ZNF865: variants seen among roughly 807,000 people sequenced by gnomAD.
ZNF865 encodes zinc finger protein 865.
For synonymous variants in ZNF865, 763 were observed against 750.8 expected (o/e 1.02, Z -0.27); for missense variants, 1,311 against 1,593.4 (o/e 0.82, Z 3.02).
intron 1 of ZNF865, 50 bp from the exon 2 acceptor site, chr19:55,613,543 G>T: frequency 7.0e-7 from 1 of 1,419,854 alleles, no homozygotes; most frequent in South Asian, 1.4e-5. Context: ...TCACCTGCGG[G>T]GAGACCCAGC....
rs1290027695 is a variant in ZNF865 at position 55,611,682 on chromosome 19, T to C, written c.-26-1911T>C. Among the ~76,000 whole-genome samples, 1 of 151,978 alleles carries C rather than the reference T, an allele frequency of 6.6e-6. No individual in the cohort carries two copies. Among genetic ancestry groups the C allele is most frequent in the Non-Finnish European group, 1.5e-5 (1 of 67,988 alleles). On this transcript the variant is annotated intron_variant, in intron 1 of 1. Transcript: ENST00000568956. This position sits in a 1 kb window ranked among gnomAD's most constrained non-coding sequence, Gnocchi z 4.5. ...AGAGAGCAGCCCGATGGATAGAGGA[T>C]AAAGGGTCCAGGCCTTGGTAGGAAC...
intron 1 of ZNF865, among the ~76,000 whole-genome samples, chr19:55,610,363 C>T (rs377354996): frequency 8.5e-5 from 13 of 152,180 alleles, no homozygotes; most frequent in South Asian, 2.1e-4. Flanking sequence ...CGAGTTCAAG[C>T]GATTCTCCTG....
chr19:55,608,804 T>G (rs999822305), intron 1 of ZNF865, among the ~76,000 whole-genome samples: 4 of 152,354 alleles, frequency 2.6e-5, no homozygotes, highest in Admixed American at 2.6e-4. Context: ...TGTTGGTGAC[T>G]TGTTCTGGTC....
rs1981132154 is a variant in ZNF865 at position 55,611,474 on chromosome 19, C to T, written c.-26-2119C>T. Among the ~76,000 whole-genome samples the T allele has an allele frequency of 6.6e-6, 1 of 152,198 alleles. No individual in the cohort carries two copies. The highest frequency in any genetic ancestry group is 2.4e-5 in the African/African-American group (1 of 41,440). On this transcript the variant is annotated intron_variant, in intron 1 of 1. Coordinates refer to ENST00000568956, the MANE Select transcript of ZNF865 (RefSeq NM_001195605.2). This position sits in a 1 kb window ranked among gnomAD's most constrained non-coding sequence, Gnocchi z 4.5. ...GGTTCCACCTACAGCCTTCCAATTA[C>T]CACCCCAGCCAAGCCTGTCCTCTTT...
At position 55,605,708 on chromosome 19, in the gene ZNF865, C is replaced by T. The variant is rs924738663; in HGVS notation, c.-51C>T. ...GGCGCCTCCTCCGCCTCCTCGGCCT[C>T]CTCCCGGCGGAGACCCCGGCGCCGG... is the stretch of plus-strand genomic sequence containing the variant. On this transcript the variant is annotated 5_prime_UTR_variant, in exon 1 of 2. Transcript: ENST00000568956. 5 of 152,018 alleles carry T rather than the reference C, an allele frequency of 3.3e-5. No homozygotes were observed. The highest frequency in any genetic ancestry group is 7.4e-5 in the Non-Finnish European group (5 of 67,970). The allele number at this position is 152,018 out of a possible 1,614,324, so 9.4% of individuals were successfully genotyped here.
chr19:55,607,779 C>T (rs1429011996), intron 1 of ZNF865, among the ~76,000 whole-genome samples: 2 of 152,154 alleles, frequency 1.3e-5, no homozygotes, highest in Admixed American at 6.6e-5. Flanking sequence ...CTCTTAACAG[C>T]GCCCTAACCC....
intron 1 of ZNF865, among the ~76,000 whole-genome samples, chr19:55,610,940 C>G (rs1981111161): frequency 1.3e-5 from 2 of 152,154 alleles, no homozygotes. Context: ...CCCTCTCCCA[C>G]CAGGCCCCTT....
chr19:55,613,496 T>A (rs1981210853), intron 1 of ZNF865, 97 bp from the exon 2 acceptor site: 12 of 1,149,054 alleles, frequency 1.0e-5, no homozygotes, highest in Non-Finnish European at 1.4e-5. Context: ...TAGGGGGTGA[T>A]CCGCACAAGG....
rs1209081044 is a variant in ZNF865 at position 55,611,250 on chromosome 19, TC to T, written c.-26-2342del. 1.7e-4 allele frequency among the ~76,000 whole-genome samples: 26 copies of T among 152,234 alleles called. No homozygotes were observed. The highest frequency in any genetic ancestry group is 5.8e-4 in the African/African-American group (24 of 41,522). On this transcript the variant is annotated intron_variant, in intron 1 of 1. Transcript: ENST00000568956. This position sits in a 1 kb window ranked among gnomAD's most constrained non-coding sequence, Gnocchi z 4.5. ...AACGTGCTTAGAACCGTGGCGGGCC[TC>T]TAGGAGATGTCCAGTCAGTGACAGC...
At position 55,614,863 on chromosome 19, in the gene ZNF865, C is replaced by T; in HGVS notation, c.1245C>T (p.Ala415=). 1 of 1,519,304 alleles carries T rather than the reference C, an allele frequency of 6.6e-7. No homozygotes were observed. Among genetic ancestry groups the T allele is most frequent in the Non-Finnish European group, 8.8e-7 (1 of 1,137,450 alleles). The allele number at this position is 1,519,304 out of a possible 1,614,324, so 94.1% of individuals were successfully genotyped here. A position where few individuals can be genotyped will look rare whatever the true frequency, so the allele number is the denominator to read the frequency against. The stretch of plus-strand genomic sequence containing the variant: ...TGCCCTGCGGCATCTGCGGGAAGGC[C>T]TTCCGCGACGCCTCCTACCTCCTCA... ...LRLPCGICGK[A]FRDASYLLKH... is the part of the protein sequence containing the mutation. The change falls in exon 2 of 2, where the codon GCC becomes GCT. Residue 415 remains alanine, a synonymous_variant. Coordinates refer to ENST00000568956, the MANE Select transcript of ZNF865 (RefSeq NM_001195605.2). The surrounding 1 kb of genome is among the most constrained non-coding windows in gnomAD (Gnocchi z 8.0).
In ZNF865 at chr19:55,611,212, A is replaced by G. The variant is rs1981122575; in HGVS notation, c.-26-2381A>G. On this transcript the variant is annotated intron_variant, in intron 1 of 1. Coordinates refer to ENST00000568956, the MANE Select transcript of ZNF865 (RefSeq NM_001195605.2). The surrounding 1 kb of genome is among the most constrained non-coding windows in gnomAD (Gnocchi z 4.5). Reference sequence around the variant, plus strand: ...TATTTAGAGTTGTGGGGAGTCAGTGAATTAATATGTGTAACGTGCTTAGAA... The same window carrying G: ...TATTTAGAGTTGTGGGGAGTCAGTGGATTAATATGTGTAACGTGCTTAGAA... 6.6e-6 allele frequency among the ~76,000 whole-genome samples: 1 copy of G among 152,104 alleles called. No homozygotes were observed. The highest frequency in any genetic ancestry group is 6.5e-5 in the Admixed American group (1 of 15,282).
In ZNF865 at chr19:55,611,921, A is replaced by AC. The variant is rs1224733941; in HGVS notation, c.-26-1670dup. ...TGTGGTGTGGGGTACACACATGGAT[A>AC]CCTGCCATCTGGAATGAAAAGTCGT... On this transcript the variant is annotated intron_variant, in intron 1 of 1. Coordinates refer to ENST00000568956, the MANE Select transcript of ZNF865 (RefSeq NM_001195605.2). This position sits in a 1 kb window ranked among gnomAD's most constrained non-coding sequence, Gnocchi z 4.5. Among the ~76,000 whole-genome samples, 2 of 152,064 alleles carry AC rather than the reference A, an allele frequency of 1.3e-5. No individual in the cohort carries two copies. Among genetic ancestry groups the AC allele is most frequent in the African/African-American group, 2.4e-5 (1 of 41,394 alleles).
chr19:55,609,241 G>A (rs758746762), intron 1 of ZNF865, among the ~76,000 whole-genome samples: 9 of 151,932 alleles, frequency 5.9e-5, no homozygotes, highest in Admixed American at 2.0e-4. Flanking sequence ...GGCTAGTCTC[G>A]AACTCCTGAC....
At chr19:55,607,704 C>A (rs1052015325) in intron 1 of ZNF865, among the ~76,000 whole-genome samples, 1 of 152,170 alleles carries the variant, frequency 6.6e-6, no homozygotes, top group African/African-American at 2.4e-5. Flanking sequence ...AAGCCACACA[C>A]CAAAAAGTTA....
At position 55,615,597 on chromosome 19, in the gene ZNF865, C is replaced by T. The variant is rs990051311; in HGVS notation, c.1979C>T (p.Ser660Phe). 4 of 1,532,970 alleles carry T rather than the reference C, an allele frequency of 2.6e-6. No individual in the cohort carries two copies. The African/African-American group carries it at 5.5e-5, about 21-fold the overall frequency. 95.0% of individuals were successfully genotyped at this position (1,532,970 alleles called of 1,614,324 possible). The part of the protein sequence containing the change: ...GACGPGASGT[S>F]AGPTDGLSYA... ...TGTGGGCCCGGGGCCTCGGGCACGT[C>T]TGCAGGGCCCACCGATGGGCTGAGC... Residue 660 changes from serine to phenylalanine, a missense_variant, in exon 2 of 2, where the codon TCT (serine) becomes TTT (phenylalanine). Coordinates refer to ENST00000568956, the MANE Select transcript of ZNF865 (RefSeq NM_001195605.2).
Position 55,616,677 on chromosome 19 carries a change from C to G in ZNF865, c.3059C>G (p.Ser1020Cys). The change falls in exon 2 of 2, where the codon TCC (serine) becomes TGC (cysteine). Residue 1020 changes from serine to cysteine, a missense_variant. Physicochemically the swap from Ser to Cys is moderately radical, Grantham distance 112 (BLOSUM62 -1). Transcript: ENST00000568956. ...CAGGGCGGCCGGCCCTTCCGCTGCT[C>G]CTCCTGCGGCGAGGGCTTCGCCAAC... is the stretch of plus-strand genomic sequence containing the variant. ...AHQGGRPFRC[S>C]SCGEGFANTY... 6.5e-7 allele frequency: 1 copy of G among 1,530,298 alleles called. No homozygotes were observed. Among genetic ancestry groups the G allele is most frequent in the Non-Finnish European group, 8.7e-7 (1 of 1,144,468 alleles). 94.8% of individuals were successfully genotyped at this position (1,530,298 alleles called of 1,614,324 possible).
In ZNF865 at chr19:55,609,420, C is replaced by T. The variant is rs554111409; in HGVS notation, c.-27+3688C>T. Among the ~76,000 whole-genome samples the T allele has an allele frequency of 3.3e-5, 5 of 152,258 alleles. No individual in the cohort carries two copies. The East Asian group carries it at 9.6e-4, about 29-fold the overall frequency. On this transcript the variant is annotated intron_variant, in intron 1 of 1. Coordinates refer to ENST00000568956, the MANE Select transcript of ZNF865 (RefSeq NM_001195605.2). The stretch of plus-strand genomic sequence containing the variant: ...ATCTTCTAGGGTTACTGGGAGGATT[C>T]GTTGAGCTCACACACATCAGAGTTA...
rs1981308515 is a variant in ZNF865 at position 55,615,215 on chromosome 19, G to A, written c.1597G>A (p.Ala533Thr). The A allele has an allele frequency of 4.8e-6, 7 of 1,472,916 alleles. No homozygotes were observed. Among genetic ancestry groups the A allele is most frequent in the Non-Finnish European group, 6.2e-6 (7 of 1,121,624 alleles). The allele number at this position is 1,472,916 out of a possible 1,614,324, so 91.2% of individuals were successfully genotyped here. The part of the protein sequence containing the change: ...LGAHPLLLGG[A>T]GTSGAGGSGA... ...CGCCCACCCGCTGCTGCTCGGCGGC[G>A]CGGGGACCAGCGGGGCGGGAGGCTC... Residue 533 changes from alanine to threonine, a missense_variant, in exon 2 of 2, where the codon GCG becomes ACG. Coordinates refer to ENST00000568956, the MANE Select transcript of ZNF865 (RefSeq NM_001195605.2).
Position 55,616,769 on chromosome 19 carries a change from G to C in ZNF865, c.3151G>C (p.Ala1051Pro). Reference protein sequence around the residue: ...AENLGGPGAGAGTLAGKDA With the variant: ...AENLGGPGAGPGTLAGKDA ...GAACCTCGGGGGGCCTGGAGCAGGG[G>C]CGGGCACCTTGGCCGGGAAGGATGC... Residue 1051 changes from alanine (A) to proline (P), a missense_variant, in exon 2 of 2, where the codon GCG becomes CCG. Transcript: ENST00000568956. 1 of 1,452,092 alleles carries C rather than the reference G, an allele frequency of 6.9e-7. No homozygotes were observed. The allele number at this position is 1,452,092 out of a possible 1,614,324, so 90.0% of individuals were successfully genotyped here.
Sources: gnomAD v4.1 joint callset for allele counts (sites outside exome capture counted in the v4.1 genomes callset) on GRCh38, gnomAD v4.1.1 for gene constraint, Gnocchi (gnomAD v3.1) non-coding constraint, MANE v1.5 for transcripts, NCBI Gene and HGNC (gene_info 2026-07-23, HGNC 2026-07-21) for gene names.